MMP27: variants seen among roughly 807,000 people sequenced by gnomAD.
The protein encoded by MMP27 is matrix metalloproteinase-27.
Under a neutral mutation model 48.1 loss-of-function variants are expected in MMP27, and 51 were observed. That is an observed-to-expected ratio of 1.06 (90% CI 0.85 to 1.34). The LOEUF (loss-of-function observed/expected upper bound fraction) is 1.34, where lower values mean the gene tolerates loss of function less well. Ranked by LOEUF, MMP27 falls within the 40% of genes most tolerant of loss-of-function variation. The pLI is 0.00. For synonymous variants in MMP27, 229 were observed against 208.9 expected (o/e 1.10, Z -0.83); for missense variants, 698 against 619.3 (o/e 1.13, Z -1.35).
At chr11:102,692,245 CCAGA>C (rs1273097523) in intron 9 of MMP27, among the ~76,000 whole-genome samples, 1 of 152,136 alleles carries the variant, frequency 6.6e-6, no homozygotes, top group East Asian at 1.9e-4. Flanking sequence ...ACCTTTCTAG[CCAGA>C]CTGTGGTCTA....
At chr11:102,697,735 G>A (rs936149174) in intron 4 of MMP27, among the ~76,000 whole-genome samples, 6 of 152,072 alleles carry the variant, frequency 3.9e-5, no homozygotes, top group African/African-American at 1.2e-4. Context: ...TGAACTCCAG[G>A]CTAAAGCAAT....
chr11:102,705,546 G>A (rs1211608106), intron 1 of MMP27, 67 bp downstream of exon 1: 2 of 1,054,814 alleles, frequency 1.9e-6, no homozygotes, highest in South Asian at 1.6e-5. Flanking sequence ...TTCTTTTTAG[G>A]TCCCAAGAGA....
intron 2 of MMP27, among the ~76,000 whole-genome samples, chr11:102,704,133 C>A (rs943605162): frequency 2.0e-5 from 3 of 152,164 alleles, no homozygotes; most frequent in African/African-American, 2.4e-5. Context: ...CTCTCACACA[C>A]ACATGTCTCT....
intron 1 of MMP27, among the ~76,000 whole-genome samples, chr11:102,705,211 T>G (rs982406810): frequency 6.6e-6 from 1 of 152,354 alleles, no homozygotes; most frequent in East Asian, 1.9e-4. Context: ...AAAAGTTAAC[T>G]GAACTGATTT....
At chr11:102,696,895 C>G (rs1940480) in intron 4 of MMP27, 60 bp from the exon 5 acceptor site, 697,735 of 1,534,034 alleles carry the variant, frequency 0.45, 161,966 homozygotes, top group East Asian at 0.58. Context: ...ATGGCTGCAT[C>G]TGAGATTAGA....
chr11:102,699,811 C>A (rs1004959475), intron 4 of MMP27, among the ~76,000 whole-genome samples: 1 of 152,192 alleles, frequency 6.6e-6, no homozygotes, highest in Non-Finnish European at 1.5e-5. Flanking sequence ...AATCTGAATC[C>A]TATTCGCCAT....
chr11:102,704,121 C>T (rs1860999052), intron 2 of MMP27, among the ~76,000 whole-genome samples: 1 of 152,176 alleles, frequency 6.6e-6, no homozygotes, highest in Non-Finnish European at 1.5e-5. Flanking sequence ...TGGCAACTCT[C>T]TCTCTCACAC....
At chr11:102,695,244 G>A in intron 6 of MMP27, 147 bp from the exon 7 acceptor site, 1 of 944,570 alleles carries the variant, frequency 1.1e-6, no homozygotes, top group South Asian at 1.7e-5. Flanking sequence ...AGTAAATTTA[G>A]GTGATTGTGA....
chr11:102,695,190 G>A, intron 6 of MMP27, 93 bp from the exon 7 acceptor site: 1 of 1,353,248 alleles, frequency 7.4e-7, no homozygotes, highest in Middle Eastern at 2.4e-4. Context: ...CTAATTGGTT[G>A]GTATCTTCCT....
Position 102,691,770 on chromosome 11 carries a change from T to C in MMP27, c.1538A>G (p.Gln513Arg), listed in dbSNP as rs897695769. The C allele has an allele frequency of 6.3e-7, 1 of 1,582,760 alleles. No homozygotes were observed. Among genetic ancestry groups the C allele is most frequent in the African/African-American group, 1.4e-5 (1 of 73,878 alleles). ...GTTTATTTTAGGTCTATGAATTTAT[T>C]GATAAATAGAAGTGTTTTTCAGCAA... ...VHLLKNTSIYQ is the reference protein window; with the variant it reads ...VHLLKNTSIYR Residue 513 changes from glutamine to arginine, a missense_variant, in exon 10 of 10, where the codon CAA becomes CGA. Physicochemically the swap from Gln to Arg is conservative, Grantham distance 43. Coordinates refer to ENST00000260229, the MANE Select transcript of MMP27 (RefSeq NM_022122.3).
chr11:102,694,527 A>T (rs972626260), intron 7 of MMP27, among the ~76,000 whole-genome samples: 1 of 152,216 alleles, frequency 6.6e-6, no homozygotes, highest in East Asian at 1.9e-4. Context: ...ATGTCAGTTA[A>T]ATTTGATTTC....
At position 102,704,406 on chromosome 11, in the gene MMP27, C is replaced by T. The variant is rs975019712; in HGVS notation, c.341+131G>A. 65 of 740,914 alleles carry T rather than the reference C, an allele frequency of 8.8e-5. 1 individual carries two copies. In the East Asian group the frequency reaches 1.2e-3, roughly 14 times the overall value. 45.9% of individuals were successfully genotyped at this position (740,914 alleles called of 1,614,324 possible). ...CAGCACAGGTTTGTTGGGAAGATAC[C>T]GTAAATGGAGCCTAAGATGTGCTGT... On this transcript the variant is annotated intron_variant, in intron 2 of 9. Coordinates refer to ENST00000260229, the MANE Select transcript of MMP27 (RefSeq NM_022122.3).
At chr11:102,702,525 T>A (rs1043481073) in intron 4 of MMP27, among the ~76,000 whole-genome samples, 9 of 152,120 alleles carry the variant, frequency 5.9e-5, no homozygotes, top group African/African-American at 2.2e-4. Context: ...CCCTCAGACA[T>A]TATGGGTGTA....
At chr11:102,693,769 A>G (rs1860769159) in intron 8 of MMP27, 137 bp downstream of exon 8, 2 of 682,058 alleles carry the variant, frequency 2.9e-6, no homozygotes, top group Non-Finnish European at 4.4e-6. Flanking sequence ...TGGGAGACAG[A>G]GCAAGACTCC....
intron 4 of MMP27, among the ~76,000 whole-genome samples, chr11:102,698,450 C>T (rs1490883029): frequency 2.0e-5 from 3 of 150,298 alleles, no homozygotes; most frequent in Admixed American, 6.7e-5. Flanking sequence ...GGCTTGAAAC[C>T]GGTGTCTCAG....
chr11:102,703,834 G>A lies in MMP27; in HGVS notation c.341+703C>T, dbSNP rs971767721. ...CCACCACACCCAGTCCATATATTAA[G>A]AATCTTACATGAGAACCACAAGAAT... is the stretch of plus-strand genomic sequence containing the variant. On this transcript the variant is annotated intron_variant, in intron 2 of 9. Transcript: ENST00000260229. 9.2e-5 allele frequency among the ~76,000 whole-genome samples: 14 copies of A among 152,264 alleles called. No individual in the cohort carries two copies. In the East Asian group the frequency reaches 2.7e-3, roughly 29 times the overall value.
chr11:102,701,328 C>A (rs376945586), intron 4 of MMP27, among the ~76,000 whole-genome samples: 2 of 152,116 alleles, frequency 1.3e-5, no homozygotes, highest in Non-Finnish European at 2.9e-5. Context: ...CCCACATGTC[C>A]CCCTTGGCAG....
At chr11:102,695,122 C>T (rs571257304) in intron 6 of MMP27, 25 bp from the exon 7 acceptor site, 2 of 1,608,146 alleles carry the variant, frequency 1.2e-6, no homozygotes, top group Admixed American at 1.7e-5. Context: ...AAACACTTTA[C>T]ACATGCAGCC....
chr11:102,700,859 C>T (rs1451479311), intron 4 of MMP27, among the ~76,000 whole-genome samples: 1 of 152,204 alleles, frequency 6.6e-6, no homozygotes, highest in Admixed American at 6.6e-5. Context: ...CCTGTTCTTC[C>T]CGGAGGAAGC....
Sources: gnomAD v4.1 joint callset for allele counts (sites outside exome capture counted in the v4.1 genomes callset) on GRCh38, gnomAD v4.1.1 for gene constraint, MANE v1.5 for transcripts, NCBI Gene and HGNC (gene_info 2026-07-23, HGNC 2026-07-21) for gene names.